The following SNTG1 variants were observed in gnomAD, a reference collection of about 807,000 sequenced individuals.
SNTG1 encodes the protein gamma-1-syntrophin.
In SNTG1, 39 loss-of-function variants were observed where a neutral mutation model predicts 74.7. That is an observed-to-expected ratio of 0.52 (90% CI 0.40 to 0.68). The LOEUF (loss-of-function observed/expected upper bound fraction) is 0.68, where lower values mean the gene tolerates loss of function less well. Ranked by LOEUF, SNTG1 falls within the 30% of genes least tolerant of loss-of-function variation. The pLI is 0.00. For missense variants in SNTG1, 685 were observed against 609.5 expected, an observed-to-expected ratio of 1.12 and a Z score of -1.30; for synonymous variants, 254 against 217.1, an observed-to-expected ratio of 1.17 and a Z score of -1.49.
At chr8:50,691,274 T>G (rs1273651108) in intron 15 of SNTG1, among the ~76,000 whole-genome samples, 1 of 152,084 alleles carries the variant, frequency 6.6e-6, no homozygotes, top group Non-Finnish European at 1.5e-5. Context: ...GTTATGTGTG[T>G]ATTTGATCCT....
rs16914314 is a variant in SNTG1 at position 50,130,661 on chromosome 8, G to A, written c.-102-41900G>A. ...AAAACCTTTGAAATTTGCGTTAAAA[G>A]ATGCTCAATAAATGCATTTCTGAAA... On this transcript the variant is annotated intron_variant, in intron 1 of 18. Coordinates refer to ENST00000642720, the MANE Select transcript of SNTG1 (RefSeq NM_018967.5). 7.9e-3 allele frequency among the ~76,000 whole-genome samples: 1,208 copies of A among 152,182 alleles called. 16 individuals are homozygous for A. Among genetic ancestry groups the A allele is most frequent in the African/African-American group, 0.028 (1,164 of 41,556 alleles).
chr8:50,562,876 A>G (rs193236890), intron 12 of SNTG1, among the ~76,000 whole-genome samples: 6 of 152,322 alleles, frequency 3.9e-5, no homozygotes, highest in Admixed American at 2.6e-4. Context: ...GAGTTCCTAA[A>G]TACTTAATTT....
At chr8:50,171,848 G>A (rs567393645) in intron 1 of SNTG1, among the ~76,000 whole-genome samples, 7 of 152,184 alleles carry the variant, frequency 4.6e-5, no homozygotes, top group African/African-American at 1.7e-4. Flanking sequence ...AATGCTTATG[G>A]AGCCAGCTTC....
At chr8:50,139,685 C>T (rs986899105) in intron 1 of SNTG1, among the ~76,000 whole-genome samples, 4 of 152,210 alleles carry the variant, frequency 2.6e-5, no homozygotes, top group African/African-American at 9.6e-5. Flanking sequence ...AAAGAGCCCT[C>T]TACATTTATG....
chr8:50,083,373 T>C (rs1194480918), intron 1 of SNTG1, among the ~76,000 whole-genome samples: 2 of 152,170 alleles, frequency 1.3e-5, no homozygotes, highest in East Asian at 3.9e-4. Flanking sequence ...ACTTAGATAA[T>C]TCTTTACAAA....
intron 2 of SNTG1, among the ~76,000 whole-genome samples, chr8:50,289,686 T>C: frequency 6.6e-6 from 1 of 152,166 alleles, no homozygotes; most frequent in East Asian, 1.9e-4. Context: ...GTGCCTACAA[T>C]AAGGACTGAT....
chr8:50,147,423 G>A (rs1435480251), intron 1 of SNTG1, among the ~76,000 whole-genome samples: 1 of 152,156 alleles, frequency 6.6e-6, no homozygotes, highest in African/African-American at 2.4e-5. Context: ...TAGAATTAAA[G>A]AATTAATCAC....
Position 50,592,399 on chromosome 8 carries a change from G to T in SNTG1, c.849+1482G>T, listed in dbSNP as rs183655637. The stretch of plus-strand genomic sequence containing the variant: ...CTCAACATGGGAGATATTAATATTG[G>T]TGTAATATATTACTACAGAGGTCAT... On this transcript the variant is annotated intron_variant, in intron 13 of 18. Transcript: ENST00000642720. Among the ~76,000 whole-genome samples, 18 of 152,158 alleles carry T rather than the reference G, an allele frequency of 1.2e-4. No individual in the cohort carries two copies. In the East Asian group the frequency reaches 3.5e-3, roughly 29 times the overall value.
chr8:49,972,809 A>G lies in SNTG1; in HGVS notation c.-103+60578A>G, dbSNP rs144483084. On this transcript the variant is annotated intron_variant, in intron 1 of 18. Transcript: ENST00000642720. ...CAGAGAAACGCAAATCAGAACCACA[A>G]TGAGATATCATCTCAGACCAGTTAG... 2.3e-3 allele frequency among the ~76,000 whole-genome samples: 345 copies of G among 152,334 alleles called. 2 individuals carry two copies. Among genetic ancestry groups the G allele is most frequent in the African/African-American group, 7.8e-3 (324 of 41,576 alleles).
At chr8:50,140,788 GGA>G (rs908392940) in intron 1 of SNTG1, among the ~76,000 whole-genome samples, 12 of 152,080 alleles carry the variant, frequency 7.9e-5, no homozygotes, top group Non-Finnish European at 1.6e-4. Flanking sequence ...GGATCTTTCT[GGA>G]TCATCTTTAA....
At chr8:50,266,280 G>C (rs34861260) in intron 2 of SNTG1, among the ~76,000 whole-genome samples, 85,631 of 151,876 alleles carry the variant, frequency 0.56, 27,888 homozygotes, top group East Asian at 0.83. Flanking sequence ...CGAAAAATAA[G>C]TCTCACATTT....
chr8:50,112,569 C>G (rs1285468364), intron 1 of SNTG1, among the ~76,000 whole-genome samples: 1 of 116,132 alleles, frequency 8.6e-6, no homozygotes, highest in Non-Finnish European at 1.6e-5. Context: ...GTCACCCAGG[C>G]TGGAGTGCAG....
intron 1 of SNTG1, among the ~76,000 whole-genome samples, chr8:50,020,940 C>T (rs1286002027): frequency 1.3e-5 from 2 of 152,114 alleles, no homozygotes; most frequent in African/African-American, 4.8e-5. Context: ...TAGATATGGG[C>T]AATCTAGAGT....
intron 13 of SNTG1, among the ~76,000 whole-genome samples, chr8:50,621,035 A>G (rs1424814248): frequency 6.7e-6 from 1 of 150,306 alleles, no homozygotes; most frequent in Non-Finnish European, 1.5e-5. Context: ...ACATATAGTT[A>G]TGCAGGGCTG....
chr8:50,565,452 C>A (rs145492411), intron 12 of SNTG1, among the ~76,000 whole-genome samples: 1 of 152,044 alleles, frequency 6.6e-6, no homozygotes, highest in East Asian at 1.9e-4. Context: ...TGTTCTATAA[C>A]TGTATGTTTT....
chr8:50,619,181 A>G (rs2094904269), intron 13 of SNTG1, among the ~76,000 whole-genome samples: 1 of 152,212 alleles, frequency 6.6e-6, no homozygotes, highest in South Asian at 2.1e-4. Flanking sequence ...ATCATGGCAG[A>G]TGAAAATGTT....
At chr8:49,956,279 G>A (rs1411003467) in intron 1 of SNTG1, among the ~76,000 whole-genome samples, 5 of 152,330 alleles carry the variant, frequency 3.3e-5, no homozygotes, top group South Asian at 2.1e-4. Context: ...AGCCAATATA[G>A]TACAACTGAG....
rs1260410625 is a variant in SNTG1, at chr8:50,049,331, C to T, written c.-102-123230C>T. On this transcript the variant is annotated intron_variant, in intron 1 of 18. Coordinates refer to ENST00000642720, the MANE Select transcript of SNTG1 (RefSeq NM_018967.5). ...TGTAAATATATAGAGAAATATATGCCATGTTAACACTAACCAAAAGAAAGC... is the reference window on the plus strand; with the variant it reads ...TGTAAATATATAGAGAAATATATGCTATGTTAACACTAACCAAAAGAAAGC... 2.6e-5 allele frequency among the ~76,000 whole-genome samples: 4 copies of T among 152,088 alleles called. No individual in the cohort carries two copies. In the East Asian group the frequency reaches 7.7e-4, roughly 29 times the overall value.
intron 17 of SNTG1, among the ~76,000 whole-genome samples, chr8:50,740,549 A>C (rs956233050): frequency 4.6e-5 from 7 of 152,204 alleles, no homozygotes; most frequent in Admixed American, 1.3e-4. Flanking sequence ...TGGGAGTATA[A>C]ATTAGTTTAA....
Sources: allele counts gnomAD v4.1 joint callset (sites outside exome capture counted in the v4.1 genomes callset), GRCh38; gene constraint gnomAD v4.1.1; transcripts MANE v1.5; gene names NCBI Gene and HGNC (gene_info 2026-07-23, HGNC 2026-07-21).